CILK1: variants seen among roughly 807,000 people sequenced by gnomAD.
CILK1 encodes serine/threonine-protein kinase ICK.
A neutral mutation model predicts 79.2 loss-of-function variants in CILK1; 47 were observed. The observed-to-expected ratio is 0.59, with a 90% confidence interval of 0.47 to 0.76. CILK1 has a LOEUF of 0.76. Among genes scored for constraint, CILK1 ranks in the 30% least tolerant of loss-of-function variants. The pLI is 0.00. For synonymous variants in CILK1, 266 were observed against 275.9 expected (o/e 0.96, Z 0.36); for missense variants, 660 against 769.5 (o/e 0.86, Z 1.68).
chr6:53,036,308 C>T (rs952163126), intron 3 of CILK1, among the ~76,000 whole-genome samples: 5 of 152,160 alleles, frequency 3.3e-5, no homozygotes, highest in African/African-American at 9.6e-5. Context: ...CTGATGTTTT[C>T]GGATCATCTC....
chr6:53,055,223 C>G (rs1767769368), intron 1 of CILK1, among the ~76,000 whole-genome samples: 1 of 152,132 alleles, frequency 6.6e-6, no homozygotes, highest in South Asian at 2.1e-4. Context: ...ATTCTGAGTT[C>G]CATTTTACCT....
intron 8 of CILK1, among the ~76,000 whole-genome samples, chr6:53,014,708 A>G (rs1161874334): frequency 6.6e-6 from 1 of 152,180 alleles, no homozygotes; most frequent in African/African-American, 2.4e-5. Context: ...GAGGCAATTA[A>G]TGGGAATAGC....
chr6:53,028,146 CAA>C (rs59053012), intron 5 of CILK1, among the ~76,000 whole-genome samples: 21 of 63,418 alleles, frequency 3.3e-4, no homozygotes, highest in Non-Finnish European at 1.9e-4. Context: ...GACTCCGTCT[CAA>C]AAAAAAAAAA....
In CILK1 at chr6:53,013,697, G is replaced by C; in HGVS notation, c.1117C>G (p.Leu373Val). The C allele has an allele frequency of 6.3e-7, 1 of 1,584,260 alleles. No homozygotes were observed. The highest frequency in any genetic ancestry group is 8.7e-7 in the Non-Finnish European group (1 of 1,154,102). The change falls in exon 9 of 14, where the codon CTT becomes GTT. Residue 373 changes from leucine (L) to valine (V), a missense_variant. Leu to Val is a conservative substitution (Grantham distance 32). Coordinates refer to ENST00000676107, the MANE Select transcript of CILK1 (RefSeq NM_014920.5). ...TGCTTGTTGTGGAGGGATGGGAAAA[G>C]CAACGGGCTTGGCTTGTCCTCCTGG... ...HLQEDKPSPL[L>V]FPSLHNKHPQ...
intron 5 of CILK1, among the ~76,000 whole-genome samples, chr6:53,027,401 T>G (rs1355484127): frequency 6.6e-6 from 1 of 152,202 alleles, no homozygotes; most frequent in African/African-American, 2.4e-5. Context: ...GCTCAATCAG[T>G]ACCAAGTAGA....
At chr6:53,012,283 C>G in intron 9 of CILK1, 56 bp from the exon 10 acceptor site, 1 of 1,493,618 alleles carries the variant, frequency 6.7e-7, no homozygotes, top group Non-Finnish European at 9.3e-7. Context: ...AGAACTCATC[C>G]ATGAGTAATC....
At position 53,051,903 on chromosome 6, in the gene CILK1, G is replaced by A. The variant is rs1486716726; in HGVS notation, c.-173+9693C>T. Reference sequence around the variant, plus strand: ...CTTACCCAGCGAACAAGGACATTCTGTTTTAAAATATAGAATGTACTTATC... The same window carrying A: ...CTTACCCAGCGAACAAGGACATTCTATTTTAAAATATAGAATGTACTTATC... On this transcript the variant is annotated intron_variant, in intron 1 of 13. Coordinates refer to ENST00000676107, the MANE Select transcript of CILK1 (RefSeq NM_014920.5). 7 of 152,310 alleles carry A rather than the reference G, an allele frequency of 4.6e-5. No homozygotes were observed. In the East Asian group the frequency reaches 9.6e-4, roughly 21 times the overall value. The allele number at this position is 152,310 out of a possible 1,614,324, so 9.4% of individuals were successfully genotyped here. A position where few individuals can be genotyped will look rare whatever the true frequency, so the allele number is the denominator to read the frequency against.
At chr6:53,051,873 G>A (rs1284592833) in intron 1 of CILK1, 1 of 152,178 alleles carries the variant, frequency 6.6e-6, no homozygotes, top group African/African-American at 2.4e-5. Flanking sequence ...AGAAATCTGT[G>A]CTTACTTACC....
rs189779123 is a variant in CILK1, at chr6:53,044,677, C to T, written c.-172-3269G>A. Among the ~76,000 whole-genome samples, 46 of 152,196 alleles carry T rather than the reference C, an allele frequency of 3.0e-4. No individual in the cohort carries two copies. In the South Asian group the frequency reaches 6.4e-3, roughly 21 times the overall value. The stretch of plus-strand genomic sequence containing the variant: ...CTCCTCCAAATTCACATGTTAAAGC[C>T]CTAACCTCCAATGAGATTGTATCTG... On this transcript the variant is annotated intron_variant, in intron 1 of 13. Coordinates refer to ENST00000676107, the MANE Select transcript of CILK1 (RefSeq NM_014920.5).
chr6:53,039,279 T>C (rs537037258), intron 2 of CILK1, among the ~76,000 whole-genome samples: 1 of 152,316 alleles, frequency 6.6e-6, no homozygotes, highest in South Asian at 2.1e-4. Flanking sequence ...AAAGGGCCTA[T>C]AAAAGTGAAC....
At chr6:53,037,651 C>T (rs936386040) in intron 3 of CILK1, among the ~76,000 whole-genome samples, 2 of 152,056 alleles carry the variant, frequency 1.3e-5, no homozygotes, top group Non-Finnish European at 2.9e-5. Flanking sequence ...TTTTCCTTTA[C>T]GTTAATAATT....
At chr6:53,059,745 T>G (rs1218312308) in intron 1 of CILK1, among the ~76,000 whole-genome samples, 1 of 152,182 alleles carries the variant, frequency 6.6e-6, no homozygotes, top group Non-Finnish European at 1.5e-5. Context: ...TATTTTAGAC[T>G]TGAGATAGTA....
Position 53,016,087 on chromosome 6 carries a change from C to G in CILK1, c.827G>C (p.Ser276Thr). 6.2e-7 allele frequency: 1 copy of G among 1,613,950 alleles called. No homozygotes were observed. Among genetic ancestry groups the G allele is most frequent in the South Asian group, 1.1e-5 (1 of 91,082 alleles). ...AACAAGAAAATGGAAGAAAACCTGA[C>G]TAGCTGTTGGTCGTTTCTTGGGATC... ...QWDPKKRPTASQALRYPYFQV... is the reference protein window; with the variant it reads ...QWDPKKRPTATQALRYPYFQV... The change falls in exon 8 of 14, where the codon AGT becomes ACT. Residue 276 changes from serine (S) to threonine (T), a missense_variant. Transcript: ENST00000676107.
chr6:53,061,077 A>G (rs974140997), intron 1 of CILK1: 12 of 152,254 alleles, frequency 7.9e-5, no homozygotes, highest in African/African-American at 2.7e-4. Context: ...TATATTACAT[A>G]TAAGTCCTTA....
chr6:53,043,258 G>A (rs1447719410), intron 1 of CILK1, among the ~76,000 whole-genome samples: 1 of 152,030 alleles, frequency 6.6e-6, no homozygotes, highest in Non-Finnish European at 1.5e-5. Context: ...ACAGGCTGCA[G>A]TGAGCCGAGA....
chr6:53,043,819 T>G (rs112089809), intron 1 of CILK1, among the ~76,000 whole-genome samples: 1 of 151,824 alleles, frequency 6.6e-6, no homozygotes, highest in African/African-American at 2.4e-5. Context: ...ATATTTCAAG[T>G]ATGTGGAGGG....
rs1581725968 is a variant in CILK1 at position 53,032,503 on chromosome 6, TATA to T, written c.278+27_278+29del. 3 of 1,478,240 alleles carry T rather than the reference TATA, an allele frequency of 2.0e-6. No homozygotes were observed. The East Asian group carries it at 7.4e-5, about 36-fold the overall frequency. The allele number at this position is 1,478,240 out of a possible 1,614,324, so 91.6% of individuals were successfully genotyped here. On this transcript the variant is annotated intron_variant, in intron 4 of 13. Transcript: ENST00000676107. ...CACATCTGCTTTGCCTATTTATTTCTATAATAAGATAATGATGACCAAACTGTA... is the reference window on the plus strand; with the variant it reads ...CACATCTGCTTTGCCTATTTATTTCTATAAGATAATGATGACCAAACTGTA...
chr6:53,029,520 C>G (rs1204758701), intron 5 of CILK1, among the ~76,000 whole-genome samples: 1 of 152,170 alleles, frequency 6.6e-6, no homozygotes, highest in African/African-American at 2.4e-5. Context: ...CATTTAGTCT[C>G]TAATTGTAAG....
At chr6:53,045,059 T>C (rs542797610) in intron 1 of CILK1, among the ~76,000 whole-genome samples, 2 of 152,216 alleles carry the variant, frequency 1.3e-5, no homozygotes, top group Non-Finnish European at 2.9e-5. Context: ...ATTTCAATTA[T>C]CCCTAAAATG....
Sources: allele counts gnomAD v4.1 joint callset (sites outside exome capture counted in the v4.1 genomes callset), GRCh38; gene constraint gnomAD v4.1.1; transcripts MANE v1.5; gene names NCBI Gene and HGNC (gene_info 2026-07-23, HGNC 2026-07-21).